The following METTL8 variants were observed in gnomAD, a reference collection of about 807,000 sequenced individuals.
METTL8 encodes the protein tRNA N(3)-cytidine methyltransferase METTL8, mitochondrial.
METTL8 carries 32 observed loss-of-function variants against 48.7 expected under a neutral mutation model. The observed-to-expected ratio is 0.66, with a 90% confidence interval of 0.50 to 0.88. The LOEUF (loss-of-function observed/expected upper bound fraction) is 0.88. Ranked by LOEUF, METTL8 falls within the 40% of genes least tolerant of loss-of-function variation. METTL8 has a pLI of 0.00. For synonymous variants in METTL8, 136 were observed against 157.1 expected, an observed-to-expected ratio of 0.87 and a Z score of 1.01; for missense variants, 464 against 474.4, an observed-to-expected ratio of 0.98 and a Z score of 0.20.
chr2:171,368,784 C>T (rs556286295), intron 2 of METTL8, among the ~76,000 whole-genome samples: 1 of 152,200 alleles, frequency 6.6e-6, no homozygotes, highest in Admixed American at 6.5e-5. Context: ...GTCTTGTAGT[C>T]CCAGCTACTC....
At chr2:171,337,303 A>G in intron 5 of METTL8, 150 bp downstream of exon 5, 1 of 567,626 alleles carries the variant, frequency 1.8e-6, no homozygotes, top group Non-Finnish European at 3.1e-6. Flanking sequence ...AGACATTGAG[A>G]TTAAGACATT....
intron 2 of METTL8, among the ~76,000 whole-genome samples, chr2:171,377,258 C>T (rs1026480998): frequency 3.9e-5 from 6 of 151,912 alleles, no homozygotes; most frequent in Non-Finnish European, 7.4e-5. Flanking sequence ...AAGATAACAT[C>T]GGAAAAACTC....
chr2:171,407,556 T>G (rs1416447731), intron 1 of METTL8, among the ~76,000 whole-genome samples: 1 of 152,178 alleles, frequency 6.6e-6, no homozygotes, highest in East Asian at 1.9e-4. Context: ...AAGCTTTTAG[T>G]ATTGACAAAA....
intron 1 of METTL8, among the ~76,000 whole-genome samples, chr2:171,394,008 C>A (rs1688827270): frequency 6.6e-6 from 1 of 152,164 alleles, no homozygotes; most frequent in South Asian, 2.1e-4. Context: ...GCAGATGCTC[C>A]TGTTTCTTAT....
chr2:171,340,550 C>A (rs1023961502), intron 3 of METTL8, among the ~76,000 whole-genome samples: 1 of 148,124 alleles, frequency 6.8e-6, no homozygotes, highest in Non-Finnish European at 1.5e-5. Flanking sequence ...CAGAGTGAGA[C>A]CCTGTCTCAA....
At chr2:171,382,295 G>C (rs1177821390) in intron 2 of METTL8, among the ~76,000 whole-genome samples, 1 of 152,090 alleles carries the variant, frequency 6.6e-6, no homozygotes, top group Non-Finnish European at 1.5e-5. Flanking sequence ...CAAAGACATG[G>C]AACCAACCCA....
intron 3 of METTL8, among the ~76,000 whole-genome samples, chr2:171,352,733 T>C (rs1397712747): frequency 6.6e-6 from 1 of 152,256 alleles, no homozygotes; most frequent in Non-Finnish European, 1.5e-5. Context: ...CCATTTCTTC[T>C]AGATTTTCTA....
chr2:171,352,317 G>A (rs952737844), intron 3 of METTL8, among the ~76,000 whole-genome samples: 2 of 152,110 alleles, frequency 1.3e-5, no homozygotes, highest in Non-Finnish European at 2.9e-5. Context: ...AAGCCCATTT[G>A]GTCATGGTGG....
At position 171,325,121 on chromosome 2, in the gene METTL8, C is replaced by CAAA. The variant is rs3835041; in HGVS notation, c.1033+717_1033+719dup. Among the ~76,000 whole-genome samples the CAAA allele has an allele frequency of 3.1e-3, 236 of 75,820 alleles. 3 individuals are homozygous for CAAA. The highest frequency in any genetic ancestry group is 4.7e-3 in the African/African-American group (85 of 18,008). The allele number at this position is 75,820 out of a possible 152,430, so 49.7% of individuals were successfully genotyped here. A position where few individuals can be genotyped will look rare whatever the true frequency, so the allele number is the denominator to read the frequency against. On this transcript the variant is annotated intron_variant, in intron 9 of 9. Coordinates refer to ENST00000375258, the MANE Select transcript of METTL8 (RefSeq NM_001321154.2). ...TAGGCAACAGAGTGAGACTCTGTCT[C>CAAA]AAAAAAAAAAAAAAAAAAAAGAGAA...
intron 2 of METTL8, among the ~76,000 whole-genome samples, chr2:171,363,798 A>G (rs1318430998): frequency 3.0e-5 from 4 of 133,732 alleles, no homozygotes; most frequent in Non-Finnish European, 4.8e-5. Context: ...AATTTTATAT[A>G]TATATATATA....
chr2:171,351,238 G>A (rs1312501869), intron 3 of METTL8, among the ~76,000 whole-genome samples: 1 of 152,076 alleles, frequency 6.6e-6, no homozygotes, highest in African/African-American at 2.4e-5. Context: ...CCCATTTCTT[G>A]TTTTTGTCAG....
At chr2:171,395,898 A>G (rs1239445442) in intron 1 of METTL8, among the ~76,000 whole-genome samples, 1 of 152,216 alleles carries the variant, frequency 6.6e-6, no homozygotes, top group Admixed American at 6.5e-5. Flanking sequence ...TAGCAAGAAT[A>G]CACATTCTTT....
At chr2:171,344,376 T>C (rs956648105) in intron 3 of METTL8, among the ~76,000 whole-genome samples, 5 of 152,202 alleles carry the variant, frequency 3.3e-5, no homozygotes, top group Non-Finnish European at 7.3e-5. Flanking sequence ...CCCATTACAC[T>C]ACACTGCCTC....
chr2:171,375,305 G>T, intron 2 of METTL8: 1 of 781,340 alleles, frequency 1.3e-6, no homozygotes, highest in East Asian at 2.5e-5. Flanking sequence ...AGAGATATAT[G>T]TTTATCTTTT....
chr2:171,398,161 G>C (rs1689292821), intron 1 of METTL8, among the ~76,000 whole-genome samples: 1 of 152,142 alleles, frequency 6.6e-6, no homozygotes, highest in South Asian at 2.1e-4. Context: ...CAAAAGAAGT[G>C]AAAGCAGAGA....
At position 171,350,000 on chromosome 2, in the gene METTL8, A is replaced by G. The variant is rs1683713179; in HGVS notation, c.235+10422T>C. Among the ~76,000 whole-genome samples the G allele has an allele frequency of 3.3e-5, 5 of 152,128 alleles. No individual in the cohort carries two copies. The South Asian group carries it at 8.3e-4, about 25-fold the overall frequency. On this transcript the variant is annotated intron_variant, in intron 3 of 9. Coordinates refer to ENST00000375258, the MANE Select transcript of METTL8 (RefSeq NM_001321154.2). ...TGTTATACTTTAAGTTCTAAGGTAC[A>G]TGTGCACAACATGCAAGTTTGTTAC...
At chr2:171,331,255 C>G (rs1218208970) in intron 6 of METTL8, among the ~76,000 whole-genome samples, 1 of 152,014 alleles carries the variant, frequency 6.6e-6, no homozygotes, top group Non-Finnish European at 1.5e-5. Context: ...GGATTACAGG[C>G]ACCCACCACC....
intron 1 of METTL8, among the ~76,000 whole-genome samples, chr2:171,420,070 G>C (rs1481890903): frequency 6.6e-6 from 1 of 151,992 alleles, no homozygotes; most frequent in East Asian, 1.9e-4. Flanking sequence ...CAAAGTGTTG[G>C]CTGGGCACGG....
intron 1 of METTL8, among the ~76,000 whole-genome samples, chr2:171,398,024 A>T (rs1206218033): frequency 6.6e-6 from 1 of 152,202 alleles, no homozygotes. Context: ...AGGAAATTGG[A>T]GCCCTTATTC....
Sources: allele counts gnomAD v4.1 joint callset (sites outside exome capture counted in the v4.1 genomes callset), GRCh38; gene constraint gnomAD v4.1.1; transcripts MANE v1.5; gene names NCBI Gene and HGNC (gene_info 2026-07-23, HGNC 2026-07-21).